Variants in GRK5 observed in about 807,000 individuals in gnomAD.
The protein encoded by GRK5 is g protein-coupled receptor kinase GRK5.
GRK5 carries 40 observed loss-of-function variants against 78.4 expected under a neutral mutation model. The observed-to-expected ratio is 0.51, with a 90% CI of 0.40 to 0.66. The LOEUF (loss-of-function observed/expected upper bound fraction) is 0.66, where lower values mean the gene tolerates loss of function less well. Among genes scored for constraint, GRK5 ranks in the 30% least tolerant of loss-of-function variants. The pLI is 0.00. For synonymous variants in GRK5, 289 were observed against 296.8 expected, an observed-to-expected ratio of 0.97 and a Z score of 0.27; for missense variants, 598 against 759.9, an observed-to-expected ratio of 0.79 and a Z score of 2.50.
At chr10:119,375,454 G>T (rs1295220910) in intron 2 of GRK5, among the ~76,000 whole-genome samples, 1 of 152,176 alleles carries the variant, frequency 6.6e-6, no homozygotes, top group Non-Finnish European at 1.5e-5. Flanking sequence ...ATCATGAGAG[G>T]ATGTCTTGCC....
intron 2 of GRK5, among the ~76,000 whole-genome samples, chr10:119,337,712 C>T (rs112437893): frequency 1.1e-3 from 162 of 152,160 alleles, no homozygotes; most frequent in African/African-American, 3.5e-3. Context: ...CTCCACCTCC[C>T]GGGTTCAAGC....
rs999408454 is a variant in GRK5, at chr10:119,452,429, G to A, written c.1405-242G>A. The A allele has an allele frequency of 1.2e-5, 6 of 516,780 alleles. No individual in the cohort carries two copies. Among genetic ancestry groups the A allele is most frequent in the East Asian group, 3.2e-5 (1 of 31,142 alleles). 32.0% of individuals were successfully genotyped at this position (516,780 alleles called of 1,614,324 possible). On this transcript the variant is annotated intron_variant, in intron 13 of 15. Transcript: ENST00000392870. The surrounding 1 kb of genome is among the most constrained non-coding windows in gnomAD (Gnocchi z 4.4). ...GGCTGCACTGTCATCTGGAGGGGTC[G>A]CACAAAAAAACCACAGGCCATCATC... is the stretch of plus-strand genomic sequence containing the variant.
At chr10:119,304,986 C>G (rs555858216) in intron 1 of GRK5, among the ~76,000 whole-genome samples, 1 of 152,050 alleles carries the variant, frequency 6.6e-6, no homozygotes, top group South Asian at 2.1e-4. Context: ...TCCCTCTCTC[C>G]TCTCCCACCC....
chr10:119,247,874 T>C (rs1849137995), intron 1 of GRK5, among the ~76,000 whole-genome samples: 1 of 152,174 alleles, frequency 6.6e-6, no homozygotes, highest in Admixed American at 6.5e-5. Flanking sequence ...CACATATATA[T>C]ACAGACAATC....
chr10:119,333,581 C>T (rs1480418253), intron 2 of GRK5: 1 of 357,548 alleles, frequency 2.8e-6, no homozygotes, highest in African/African-American at 2.1e-5. Context: ...CCTTGCAACT[C>T]CCCATGAGCA....
At chr10:119,443,499 C>T (rs775518680) in intron 11 of GRK5, 45 bp from the exon 12 acceptor site, 1 of 1,540,852 alleles carries the variant, frequency 6.5e-7, no homozygotes, top group Admixed American at 1.8e-5. Flanking sequence ...GCGCCACCAG[C>T]TGTCTCCCTC....
chr10:119,286,194 A>T (rs557884331), intron 1 of GRK5, among the ~76,000 whole-genome samples: 1 of 151,564 alleles, frequency 6.6e-6, no homozygotes, highest in Non-Finnish European at 1.5e-5. Flanking sequence ...AATAGAGAGG[A>T]TAGTGTAATG....
chr10:119,293,723 G>A (rs1251224678), intron 1 of GRK5, among the ~76,000 whole-genome samples: 2 of 151,736 alleles, frequency 1.3e-5, no homozygotes, highest in African/African-American at 2.4e-5. Flanking sequence ...GGATGCCTGG[G>A]TGGTGCTGCC....
At chr10:119,219,328 C>T (rs1848626801) in intron 1 of GRK5, among the ~76,000 whole-genome samples, 1 of 152,220 alleles carries the variant, frequency 6.6e-6, no homozygotes, top group Admixed American at 6.5e-5. Context: ...ATCCTCCTGC[C>T]TCAGCCTCCA....
intron 1 of GRK5, among the ~76,000 whole-genome samples, chr10:119,257,489 G>A (rs76024707): frequency 5.9e-5 from 9 of 152,322 alleles, no homozygotes; most frequent in South Asian, 4.1e-4. Flanking sequence ...TTTGGAAGGC[G>A]GAGGTGGGTG....
Position 119,431,505 on chromosome 10 carries a change from A to G in GRK5, c.716A>G (p.Glu239Gly), listed in dbSNP as rs1345950962. Residue 239 changes from glutamate (E) to glycine (G), a missense_variant, in exon 8 of 16, where the codon GAG becomes GGG. Glu to Gly is a moderately conservative substitution (Grantham distance 98). Coordinates refer to ENST00000392870, the MANE Select transcript of GRK5 (RefSeq NM_005308.3). This position sits in a 1 kb window ranked among gnomAD's most constrained non-coding sequence, Gnocchi z 4.8. The stretch of plus-strand genomic sequence containing the variant: ...GCCCTCAATGAGAAGCAGATCCTCG[A>G]GAAGGTCAACAGTCAGTTTGTGGTG... ...SMALNEKQIL[E>G]KVNSQFVVNL... The G allele has an allele frequency of 8.7e-6, 14 of 1,613,744 alleles. No individual in the cohort carries two copies. The highest frequency in any genetic ancestry group is 1.2e-5 in the Non-Finnish European group (14 of 1,179,864).
intron 11 of GRK5, among the ~76,000 whole-genome samples, chr10:119,442,880 AGGTAGGCG>A (rs1459300301): frequency 3.3e-5 from 5 of 152,032 alleles, no homozygotes; most frequent in African/African-American, 1.2e-4. Flanking sequence ...GATGATTGAT[AGGTAGGCG>A]GGTGGGCGGG....
At chr10:119,230,851 AAAG>A (rs1200092357) in intron 1 of GRK5, among the ~76,000 whole-genome samples, 1 of 150,954 alleles carries the variant, frequency 6.6e-6, no homozygotes, top group Non-Finnish European at 1.5e-5. Context: ...AAAAAAAAAA[AAAG>A]AGCCACTGAG....
intron 5 of GRK5, among the ~76,000 whole-genome samples, chr10:119,424,211 A>G (rs1852627241): frequency 6.6e-6 from 1 of 152,128 alleles, no homozygotes; most frequent in African/African-American, 2.4e-5. Flanking sequence ...GGGAATGGCC[A>G]TCTTGGCTCC....
intron 8 of GRK5, among the ~76,000 whole-genome samples, chr10:119,435,915 C>T (rs1429100788): frequency 1.3e-5 from 2 of 152,214 alleles, no homozygotes; most frequent in Non-Finnish European, 2.9e-5. Flanking sequence ...ACAATCATGG[C>T]AGAAGGTGAA....
chr10:119,402,225 G>T (rs1852163068), intron 4 of GRK5, among the ~76,000 whole-genome samples: 1 of 152,200 alleles, frequency 6.6e-6, no homozygotes, highest in African/African-American at 2.4e-5. Context: ...TCGAGCCCCA[G>T]GTTAAAAACA....
rs751318677 is a variant in GRK5 at position 119,453,193 on chromosome 10, G to A, written c.1591G>A (p.Gly531Ser). Residue 531 changes from glycine (G) to serine (S), a missense_variant, in exon 15 of 16, where the codon GGT becomes AGT. By Grantham distance (56) the Gly-to-Ser change is moderately conservative (BLOSUM62 0). Coordinates refer to ENST00000392870, the MANE Select transcript of GRK5 (RefSeq NM_005308.3). ...GGAGCTGAACGTGTTTGGACCTAAT[G>A]GTACCCTCCCGCCAGATCTGAACAG... ...FKELNVFGPN[G>S]TLPPDLNRNH... 21 of 1,594,946 alleles carry A rather than the reference G, an allele frequency of 1.3e-5. No homozygotes were observed. The highest frequency in any genetic ancestry group is 1.7e-5 in the Admixed American group (1 of 59,984).
chr10:119,275,606 C>G (rs1271076963), intron 1 of GRK5, among the ~76,000 whole-genome samples: 1 of 137,826 alleles, frequency 7.3e-6, no homozygotes, highest in Non-Finnish European at 1.6e-5. Flanking sequence ...CTCTCTCTCT[C>G]TCTCTCGCAC....
chr10:119,252,434 C>G (rs1175569835), intron 1 of GRK5, among the ~76,000 whole-genome samples: 10 of 152,152 alleles, frequency 6.6e-5, no homozygotes, highest in African/African-American at 1.9e-4. Flanking sequence ...AGAAGTGTCT[C>G]TCTCTGGGCC....
Sources: allele counts gnomAD v4.1 joint callset (sites outside exome capture counted in the v4.1 genomes callset), GRCh38; gene constraint gnomAD v4.1.1; non-coding constraint Gnocchi (gnomAD v3.1); transcripts MANE v1.5; gene names NCBI Gene and HGNC (gene_info 2026-07-23, HGNC 2026-07-21).